Variants in DNAH9 observed in about 807,000 individuals in gnomAD.
DNAH9 encodes the protein dynein axonemal heavy chain 9, also known as DNAH9 variant protein.
In DNAH9, 345 loss-of-function variants were observed where a neutral mutation model predicts 471.6. The observed-to-expected ratio is 0.73, with a 90% confidence interval of 0.67 to 0.80. DNAH9 has a LOEUF of 0.80. Ranked by LOEUF, DNAH9 falls within the 30% of genes least tolerant of loss-of-function variation. DNAH9 has a pLI of 0.00. For synonymous variants in DNAH9, 2,093 were observed against 2,123.6 expected (o/e 0.99, Z 0.40); for missense variants, 5,407 against 5,609.2 (o/e 0.96, Z 1.15).
chr17:11,771,692 C>T (rs2150881268), intron 38 of DNAH9, among the ~76,000 whole-genome samples: 1 of 152,222 alleles, frequency 6.6e-6, no homozygotes, highest in South Asian at 2.1e-4. Context: ...CAAATATGTA[C>T]CCTTATTTTC....
intron 14 of DNAH9, among the ~76,000 whole-genome samples, chr17:11,662,665 T>A (rs1292463779): frequency 2.6e-5 from 1 of 38,178 alleles, no homozygotes; most frequent in African/African-American, 4.6e-5. Flanking sequence ...AGAATCTGGA[T>A]TTTTTTCCTT....
chr17:11,619,111 T>A (rs2072803483), intron 5 of DNAH9, among the ~76,000 whole-genome samples: 1 of 152,216 alleles, frequency 6.6e-6, no homozygotes, highest in South Asian at 2.1e-4. Context: ...ACCCACCCTG[T>A]TGTGGTGAAG....
At chr17:11,644,960 TACTC>T (rs1288385100) in intron 11 of DNAH9, among the ~76,000 whole-genome samples, 1 of 152,192 alleles carries the variant, frequency 6.6e-6, no homozygotes, top group Non-Finnish European at 1.5e-5. Context: ...AGTGGGGTGC[TACTC>T]ATGGAACTCC....
chr17:11,605,660 C>T (rs2150630899), intron 1 of DNAH9, among the ~76,000 whole-genome samples: 1 of 145,044 alleles, frequency 6.9e-6, no homozygotes, highest in South Asian at 2.2e-4. Context: ...CCACTACAAC[C>T]GGGCAATTTT....
intron 38 of DNAH9, among the ~76,000 whole-genome samples, chr17:11,775,057 T>C (rs183388040): frequency 1.6e-4 from 24 of 152,322 alleles, no homozygotes; most frequent in African/African-American, 5.5e-4. Context: ...AGACAACAAC[T>C]GATCTGCTTT....
At chr17:11,774,382 A>G (rs1015506330) in intron 38 of DNAH9, among the ~76,000 whole-genome samples, 3 of 152,196 alleles carry the variant, frequency 2.0e-5, no homozygotes, top group South Asian at 4.1e-4. Flanking sequence ...TGCTATAAAG[A>G]CATTCCCGAG....
chr17:11,666,348 T>TG (rs2073867669), intron 15 of DNAH9, among the ~76,000 whole-genome samples: 2 of 152,204 alleles, frequency 1.3e-5, no homozygotes, highest in Non-Finnish European at 2.9e-5. Context: ...AATGGCTCTC[T>TG]GGTTCTCCTG....
At chr17:11,911,707 T>G (rs1417018766) in intron 61 of DNAH9, among the ~76,000 whole-genome samples, 1 of 152,222 alleles carries the variant, frequency 6.6e-6, no homozygotes. Context: ...ATAAATCTGA[T>G]CAGTGAACAT....
chr17:11,866,610 C>T (rs1972064915), intron 50 of DNAH9, among the ~76,000 whole-genome samples: 1 of 152,200 alleles, frequency 6.6e-6, no homozygotes, highest in Non-Finnish European at 1.5e-5. Flanking sequence ...TTGTCTGTGC[C>T]CTGCCCCCAG....
chr17:11,716,264 G>A (rs1368054736), intron 26 of DNAH9, among the ~76,000 whole-genome samples: 2 of 151,834 alleles, frequency 1.3e-5, no homozygotes, highest in Admixed American at 6.6e-5. Flanking sequence ...TGTATTTTCA[G>A]TAAAGACGGT....
chr17:11,955,976 G>A lies in DNAH9; in HGVS notation c.12844-5891G>A, dbSNP rs543028212. Reference sequence around the variant, plus strand: ...GGTCAACCACCCTTTTCTATTAACCGTTAACGAGGAGCTAAGTTTCTAGAT... The same window carrying A: ...GGTCAACCACCCTTTTCTATTAACCATTAACGAGGAGCTAAGTTTCTAGAT... On this transcript the variant is annotated intron_variant, in intron 67 of 68. Coordinates refer to ENST00000262442, the MANE Select transcript of DNAH9 (RefSeq NM_001372.4). Among the ~76,000 whole-genome samples the A allele has an allele frequency of 3.3e-5, 5 of 152,248 alleles. No individual in the cohort carries two copies. The East Asian group carries it at 5.8e-4, about 18-fold the overall frequency.
chr17:11,674,728 C>G (rs980318420), intron 17 of DNAH9, among the ~76,000 whole-genome samples: 2 of 149,126 alleles, frequency 1.3e-5, no homozygotes, highest in African/African-American at 2.4e-5. Flanking sequence ...TTATGTTGTT[C>G]TTCTTTTGTC....
At chr17:11,882,856 G>A in intron 55 of DNAH9, 1 of 875,362 alleles carries the variant, frequency 1.1e-6, no homozygotes, top group Non-Finnish European at 1.4e-6. Flanking sequence ...AGCATTCCCA[G>A]CACAGAGAAC....
Position 11,854,395 on chromosome 17 carries a change from G to A in DNAH9, c.9900G>A (p.Gln3300=), listed in dbSNP as rs1971547221. The change falls in exon 50 of 69, where the codon CAG becomes CAA. Residue 3300 remains glutamine (Q), a synonymous_variant. Coordinates refer to ENST00000262442, the MANE Select transcript of DNAH9 (RefSeq NM_001372.4). ...NKATADLTAA[Q]EKLAAIKAKI... ...CCACCGCGGACCTCACAGCTGCCCA[G>A]GAGAAGCTGGCTGCCATCAAAGCCA... 2.5e-6 allele frequency: 4 copies of A among 1,613,296 alleles called. No homozygotes were observed. The East Asian group carries it at 8.9e-5, about 36-fold the overall frequency.
chr17:11,612,049 A>G (rs777772106), intron 4 of DNAH9: 21 of 594,420 alleles, frequency 3.5e-5, no homozygotes, highest in Non-Finnish European at 6.3e-5. Context: ...TGGGGCATAC[A>G]CTTCTGCCTA....
rs144468296 is a variant in DNAH9 at position 11,725,108 on chromosome 17, G to A, written c.5710-2710G>A. Reference sequence around the variant, plus strand: ...GAGCTCAGGCAATAATGCAGGTGATGGGAAGCAGCTGTCAATACAGATGAA... The same window carrying A: ...GAGCTCAGGCAATAATGCAGGTGATAGGAAGCAGCTGTCAATACAGATGAA... On this transcript the variant is annotated intron_variant, in intron 27 of 68. Transcript: ENST00000262442. Among the ~76,000 whole-genome samples, 418 of 152,332 alleles carry A rather than the reference G, an allele frequency of 2.7e-3. 4 individuals are homozygous for A. Among genetic ancestry groups the A allele is most frequent in the Middle Eastern group, 0.02 (6 of 294 alleles).
chr17:11,826,795 T>C (rs1970511306), intron 48 of DNAH9, among the ~76,000 whole-genome samples: 1 of 150,286 alleles, frequency 6.7e-6, no homozygotes, highest in Non-Finnish European at 1.5e-5. Context: ...CTCTCAATTC[T>C]GTCCTCTTGT....
chr17:11,635,333 ATTTTTT>A (rs746022574), intron 8 of DNAH9, among the ~76,000 whole-genome samples: 9 of 94,666 alleles, frequency 9.5e-5, no homozygotes, highest in East Asian at 6.4e-4. Flanking sequence ...TGACTCGCTA[ATTTTTT>A]TTTTTTTTTT....
chr17:11,823,955 G>C (rs990299764), intron 48 of DNAH9, among the ~76,000 whole-genome samples: 1 of 150,912 alleles, frequency 6.6e-6, no homozygotes. Flanking sequence ...AAGAAAAAAA[G>C]AAAGAAAGAA....
Sources: gnomAD v4.1 joint callset for allele counts (sites outside exome capture counted in the v4.1 genomes callset) on GRCh38, gnomAD v4.1.1 for gene constraint, MANE v1.5 for transcripts, NCBI Gene and HGNC (gene_info 2026-07-23, HGNC 2026-07-21) for gene names.